The following SETBP1 variants were observed in gnomAD, a reference collection of about 807,000 sequenced individuals.
SETBP1 encodes the protein SET-binding protein.
Under a neutral mutation model 101.0 loss-of-function variants are expected in SETBP1, and 9 were observed. That is an observed-to-expected ratio of 0.09 (90% CI 0.05 to 0.16). SETBP1 has a LOEUF of 0.16. SETBP1 is among the 10% of genes least tolerant of loss of function. The probability of loss-of-function intolerance (pLI) is 1.00; values close to 1 mark genes in which losing one functional copy is unlikely to be tolerated. For synonymous variants in SETBP1, 818 were observed against 788.5 expected (o/e 1.04, Z -0.63); for missense variants, 1,858 against 2,033.8 (o/e 0.91, Z 1.66).
In SETBP1 at chr18:44,736,410, G is replaced by T. The variant is rs2069968919; in HGVS notation, c.486+34578G>T. 3.3e-5 allele frequency among the ~76,000 whole-genome samples: 5 copies of T among 152,190 alleles called. No individual in the cohort carries two copies. The South Asian group carries it at 1.0e-3, about 32-fold the overall frequency. ...CTTAAGCTCTGTAGGGTATGCAAAA[G>T]AACACAAGACAAGTCTTTAAAATTG... On this transcript the variant is annotated intron_variant, in intron 2 of 5. Coordinates refer to ENST00000649279, the MANE Select transcript of SETBP1 (RefSeq NM_015559.3).
intron 2 of SETBP1, among the ~76,000 whole-genome samples, chr18:44,854,208 A>C (rs1218240601): frequency 6.6e-6 from 1 of 152,086 alleles, no homozygotes; most frequent in African/African-American, 2.4e-5. Flanking sequence ...AGAAAGTTGA[A>C]ATTCAGAATG....
chr18:44,872,313 C>T (rs630999), intron 3 of SETBP1, among the ~76,000 whole-genome samples: 83,244 of 151,962 alleles, frequency 0.55, 22,892 homozygotes, highest in Non-Finnish European at 0.56. Flanking sequence ...AATACCCTAT[C>T]ATTTCACCTC....
chr18:44,685,373 C>T (rs1385402243), intron 1 of SETBP1, among the ~76,000 whole-genome samples: 1 of 152,300 alleles, frequency 6.6e-6, no homozygotes, highest in Admixed American at 6.5e-5. Context: ...CTTGATTCTC[C>T]TAAGGAGGAA....
chr18:45,016,641 C>G (rs1212093697), intron 4 of SETBP1, among the ~76,000 whole-genome samples: 1 of 152,014 alleles, frequency 6.6e-6, no homozygotes, highest in Non-Finnish European at 1.5e-5. Flanking sequence ...GGCCTGTAGC[C>G]AGGGTTTTTA....
At chr18:44,739,999 C>A (rs568042148) in intron 2 of SETBP1, among the ~76,000 whole-genome samples, 1 of 152,294 alleles carries the variant, frequency 6.6e-6, no homozygotes, top group South Asian at 2.1e-4. Context: ...AGGATGAGAT[C>A]GTCTTGTTTA....
chr18:44,752,347 A>G (rs1242851571), intron 2 of SETBP1, among the ~76,000 whole-genome samples: 3 of 152,156 alleles, frequency 2.0e-5, no homozygotes, highest in Non-Finnish European at 4.4e-5. Context: ...GAGAACCTAG[A>G]TAGCTGTCTG....
At chr18:44,935,354 A>T (rs1423059732) in intron 3 of SETBP1, among the ~76,000 whole-genome samples, 1 of 152,214 alleles carries the variant, frequency 6.6e-6, no homozygotes, top group African/African-American at 2.4e-5. Flanking sequence ...AAAGGGAAAC[A>T]TGCGGTAAAG....
At chr18:45,044,494 C>G (rs1015205233) in intron 5 of SETBP1, among the ~76,000 whole-genome samples, 4 of 152,186 alleles carry the variant, frequency 2.6e-5, no homozygotes, top group African/African-American at 9.7e-5. Context: ...CCATCACACA[C>G]CAAAAGCCTT....
chr18:44,970,699 G>A (rs962944005), intron 4 of SETBP1, among the ~76,000 whole-genome samples: 3 of 151,792 alleles, frequency 2.0e-5, no homozygotes, highest in South Asian at 2.1e-4. Context: ...TTACAGGCAC[G>A]TGCCACCACA....
At chr18:44,999,887 C>T (rs1048449107) in intron 4 of SETBP1, among the ~76,000 whole-genome samples, 8 of 152,104 alleles carry the variant, frequency 5.3e-5, no homozygotes, top group Admixed American at 3.9e-4. Flanking sequence ...TAAGAGAGCT[C>T]GTGACTGATC....
intron 2 of SETBP1, among the ~76,000 whole-genome samples, chr18:44,820,435 C>G (rs549888717): frequency 6.6e-6 from 1 of 152,180 alleles, no homozygotes; most frequent in South Asian, 2.1e-4. Context: ...TCTATGTGGG[C>G]GGGAACTGTG....
chr18:44,834,905 A>G (rs1342176053), intron 2 of SETBP1, among the ~76,000 whole-genome samples: 2 of 152,218 alleles, frequency 1.3e-5, no homozygotes, highest in Non-Finnish European at 2.9e-5. Flanking sequence ...GAAAGGGTGC[A>G]GTTGTAGGTA....
chr18:44,737,889 A>G (rs2070006570), intron 2 of SETBP1, among the ~76,000 whole-genome samples: 1 of 152,202 alleles, frequency 6.6e-6, no homozygotes, highest in African/African-American at 2.4e-5. Flanking sequence ...CAGACACAGC[A>G]TTACGTTGTT....
chr18:44,789,299 G>C (rs191272878), intron 2 of SETBP1, among the ~76,000 whole-genome samples: 88 of 152,240 alleles, frequency 5.8e-4, no homozygotes, highest in African/African-American at 1.9e-3. Context: ...TTTTCCCTCT[G>C]TAAAATGAAA....
intron 2 of SETBP1, among the ~76,000 whole-genome samples, chr18:44,738,540 G>A (rs371708405): frequency 2.7e-4 from 41 of 152,206 alleles, no homozygotes; most frequent in African/African-American, 9.4e-4. Context: ...TTGGGAGGCC[G>A]AGGCAGGCAG....
intron 2 of SETBP1, among the ~76,000 whole-genome samples, chr18:44,778,521 A>G (rs1199568705): frequency 6.6e-6 from 1 of 152,178 alleles, no homozygotes; most frequent in Non-Finnish European, 1.5e-5. Context: ...TGATCTCATT[A>G]TGGTTTTTAC....
intron 4 of SETBP1, among the ~76,000 whole-genome samples, chr18:44,964,837 A>G (rs1403172739): frequency 2.0e-5 from 3 of 151,916 alleles, no homozygotes; most frequent in African/African-American, 7.3e-5. Flanking sequence ...CTCCACTACC[A>G]CTATGGTTGC....
intron 4 of SETBP1, among the ~76,000 whole-genome samples, chr18:44,983,236 A>G (rs757583916): frequency 3.9e-5 from 6 of 152,196 alleles, no homozygotes; most frequent in Non-Finnish European, 7.3e-5. Flanking sequence ...GTGCGTATCA[A>G]AACGTGATTG....
In SETBP1 at chr18:44,882,823, G is replaced by T. The variant is rs1193605351; in HGVS notation, c.540+13540G>T. 2.6e-5 allele frequency among the ~76,000 whole-genome samples: 4 copies of T among 152,172 alleles called. No homozygotes were observed. The East Asian group carries it at 5.8e-4, about 22-fold the overall frequency. ...GATCATTTATTCTAGGCGGGGGTGT[G>T]TGTGTGCGTTCACATGTATGTTTTC... On this transcript the variant is annotated intron_variant, in intron 3 of 5. Transcript: ENST00000649279.
Sources: gnomAD v4.1 joint callset for allele counts (sites outside exome capture counted in the v4.1 genomes callset) on GRCh38, gnomAD v4.1.1 for gene constraint, MANE v1.5 for transcripts, NCBI Gene and HGNC (gene_info 2026-07-23, HGNC 2026-07-21) for gene names.